Variants in KIF7 observed in about 807,000 individuals in gnomAD.
The protein encoded by KIF7 is kinesin family member 7, also known as kinesin-like protein KIF7.
A neutral mutation model predicts 135.7 loss-of-function variants in KIF7; 104 were observed. The ratio of observed to expected loss-of-function variants is 0.77; its 90% confidence interval spans 0.65 to 0.90. KIF7 has a LOEUF of 0.90. Among genes scored for constraint, KIF7 ranks in the 40% least tolerant of loss-of-function variants. KIF7 has a pLI of 0.00. For missense variants in KIF7, 2,005 were observed against 1,839.1 expected (o/e 1.09, Z -1.65); for synonymous variants, 883 against 809.4 (o/e 1.09, Z -1.54).
At chr15:89,641,817 G>A (rs1016811668) in intron 11 of KIF7, among the ~76,000 whole-genome samples, 7 of 152,086 alleles carry the variant, frequency 4.6e-5, no homozygotes, top group Admixed American at 2.0e-4. Flanking sequence ...AGACTAAACC[G>A]ATGGCATGGG....
In KIF7 at chr15:89,631,596, G is replaced by A. The variant is rs143309556; in HGVS notation, c.3010C>T (p.Arg1004Cys). 2.8e-5 allele frequency: 43 copies of A among 1,562,880 alleles called. No homozygotes were observed. The highest frequency in any genetic ancestry group is 1.3e-4 in the South Asian group (11 of 85,254). ...QGSAQSQQQI[R>C]GEIDSLRQEK... ...TGGCGCAGGCTGTCGATCTCCCCGC[G>A]GATCTGCTGCTGGCTCTGGGCGCTG... is the stretch of plus-strand genomic sequence containing the variant. The change falls in exon 15 of 19, where the codon CGC becomes TGC. Residue 1004 changes from arginine (R) to cysteine (C), a missense_variant. Coordinates refer to ENST00000394412, the MANE Select transcript of KIF7 (RefSeq NM_198525.3).
intron 12 of KIF7, 131 bp downstream of exon 12, chr15:89,633,553 ACT>A (rs1270005341): frequency 9.9e-7 from 1 of 1,005,284 alleles, no homozygotes; most frequent in African/African-American, 1.6e-5. Flanking sequence ...GAAAAAACAG[ACT>A]CAGGCTAAGT....
intron 7 of KIF7, among the ~76,000 whole-genome samples, chr15:89,646,560 G>A (rs747112717): frequency 3.3e-5 from 5 of 152,216 alleles, no homozygotes; most frequent in African/African-American, 4.8e-5. Context: ...ACCCGATGCC[G>A]GAAGCCTGAA....
At chr15:89,640,866 G>C (rs1436628961) in intron 11 of KIF7, among the ~76,000 whole-genome samples, 1 of 151,534 alleles carries the variant, frequency 6.6e-6, no homozygotes, top group Non-Finnish European at 1.5e-5. Flanking sequence ...AGGTGTGGTG[G>C]CACCTGCCTG....
At chr15:89,619,719 A>C in intron 1 of KIF7, 1 of 1,610,560 alleles carries the variant, frequency 6.2e-7, no homozygotes, top group Non-Finnish European at 8.5e-7. Flanking sequence ...AATAAGTCTG[A>C]GACGAAGTCC....
chr15:89,633,627 G>A (rs950562652), intron 12 of KIF7, 59 bp downstream of exon 12: 2 of 1,565,806 alleles, frequency 1.3e-6, no homozygotes, highest in East Asian at 2.3e-5. Context: ...CCCCTGGCTG[G>A]GCCGCCAGCT....
At chr15:89,631,456 A>G (rs1427861859) in intron 15 of KIF7, 39 bp downstream of exon 15, 1 of 1,508,532 alleles carries the variant, frequency 6.6e-7, no homozygotes, top group East Asian at 2.4e-5. Flanking sequence ...ACAGGCATAC[A>G]ATGGCACCAA....
At chr15:89,640,306 AAATAATAATAAT>A (rs58183714) in intron 11 of KIF7, among the ~76,000 whole-genome samples, 1 of 151,162 alleles carries the variant, frequency 6.6e-6, no homozygotes, top group Non-Finnish European at 1.5e-5. Context: ...AATAAATTAA[AAATAATAATAAT>A]AATAACAGTA....
At chr15:89,634,756 GCCCA>G (rs1963767758) in intron 11 of KIF7, among the ~76,000 whole-genome samples, 1 of 152,202 alleles carries the variant, frequency 6.6e-6, no homozygotes, top group Non-Finnish European at 1.5e-5. Flanking sequence ...GGGGAGGGGT[GCCCA>G]CCATTGCCCA....
rs939728328 is a variant in KIF7 at position 89,649,101 on chromosome 15, C to T, written c.796G>A (p.Gly266Ser). 7 of 1,547,616 alleles carry T rather than the reference C, an allele frequency of 4.5e-6. No individual in the cohort carries two copies. The highest frequency in any genetic ancestry group is 2.4e-5 in the East Asian group (1 of 40,902). The stretch of plus-strand genomic sequence containing the variant: ...TGGATGCTCTCCTTGAGCCGCTCGC[C>T]GGTGCTGCCCGTCTTGAGCACCCTC... ...SERVLKTGST[G>S]ERLKESIQIN... Residue 266 changes from glycine (G) to serine (S), a missense_variant, in exon 4 of 19, where the codon GGC becomes AGC. Gly to Ser is a moderately conservative substitution (Grantham distance 56, BLOSUM62 0). Coordinates refer to ENST00000394412, the MANE Select transcript of KIF7 (RefSeq NM_198525.3).
At chr15:89,619,292 C>G (rs1963385958) in intron 1 of KIF7, among the ~76,000 whole-genome samples, 2 of 131,938 alleles carry the variant, frequency 1.5e-5, no homozygotes, top group Non-Finnish European at 3.1e-5. Flanking sequence ...CTGGCATGCT[C>G]TCCGCTCACT....
chr15:89,624,336 G>A, downstream of KIF7: 1 of 1,614,130 alleles, frequency 6.2e-7, no homozygotes, highest in Admixed American at 1.7e-5. Context: ...ATCAGAAAGA[G>A]CCCCAGATGT....
At chr15:89,622,595 C>A (rs1299827841) in intron 1 of KIF7, among the ~76,000 whole-genome samples, 1 of 135,732 alleles carries the variant, frequency 7.4e-6, no homozygotes, top group East Asian at 2.2e-4. Context: ...AGACATAGAG[C>A]TCTGGAGAAG....
intron 15 of KIF7, chr15:89,631,177 C>A: frequency 2.7e-6 from 1 of 374,106 alleles, no homozygotes; most frequent in East Asian, 4.9e-5. Flanking sequence ...ACTGAGTATG[C>A]GCCTGACACT....
At position 89,646,793 on chromosome 15, in the gene KIF7, CAGGG is replaced by C. The variant is rs755303356; in HGVS notation, c.1788+33_1788+36del. 4 of 1,596,002 alleles carry C rather than the reference CAGGG, an allele frequency of 2.5e-6. No homozygotes were observed. The African/African-American group carries it at 5.4e-5, about 21-fold the overall frequency. On this transcript the variant is annotated intron_variant, in intron 7 of 18. Coordinates refer to ENST00000394412, the MANE Select transcript of KIF7 (RefSeq NM_198525.3). ...CCTGCCCCGAACTTGACCAGTCCAGCAGGGCCCACAGACACCCAGCCTCACCCTC... is the reference window on the plus strand; with the variant it reads ...CCTGCCCCGAACTTGACCAGTCCAGCCCCACAGACACCCAGCCTCACCCTC...
rs1963726022 is a variant in KIF7, at chr15:89,633,259, T to C, written c.2600A>G (p.Glu867Gly). 16 of 1,569,768 alleles carry C rather than the reference T, an allele frequency of 1.0e-5. No homozygotes were observed. Among genetic ancestry groups the C allele is most frequent in the Non-Finnish European group, 1.4e-5 (16 of 1,160,684 alleles). Residue 867 changes from glutamate (E) to glycine (G), a missense_variant, in exon 13 of 19, where the codon GAG (glutamate) becomes GGG (glycine). Physicochemically the swap from Glu to Gly is moderately conservative, Grantham distance 98 (BLOSUM62 -2). Coordinates refer to ENST00000394412, the MANE Select transcript of KIF7 (RefSeq NM_198525.3). The stretch of plus-strand genomic sequence containing the variant: ...CTTCTGCTGTTGCTCATGCTTCAGC[T>C]CCAGCTCCTGGGTGAGGAGCTCAGT... ...SKRQHRVKEL[E>G]LKHEQQQKIL...
intron 11 of KIF7, among the ~76,000 whole-genome samples, chr15:89,640,532 A>G (rs1963899251): frequency 6.6e-6 from 1 of 152,152 alleles, no homozygotes; most frequent in Non-Finnish European, 1.5e-5. Flanking sequence ...TTCAAACCTG[A>G]GCAGTCAGGC....
intron 9 of KIF7, 47 bp from the exon 10 acceptor site, chr15:89,645,212 G>A (rs1476018942): frequency 1.2e-6 from 2 of 1,605,510 alleles, no homozygotes; most frequent in African/African-American, 1.3e-5. Flanking sequence ...TGACAGTGGG[G>A]GAGACAGAGG....
chr15:89,649,556 G>A (rs1035701342), intron 3 of KIF7, among the ~76,000 whole-genome samples, 185 bp downstream of exon 3: 4 of 152,156 alleles, frequency 2.6e-5, no homozygotes, highest in South Asian at 2.1e-4. Context: ...CCACCTCAGT[G>A]CCTCTCACTC....
Sources: gnomAD v4.1 joint callset for allele counts (sites outside exome capture counted in the v4.1 genomes callset) on GRCh38, gnomAD v4.1.1 for gene constraint, MANE v1.5 for transcripts, NCBI Gene and HGNC (gene_info 2026-07-23, HGNC 2026-07-21) for gene names.